The following CADM3 variants were observed in gnomAD, a reference collection of about 807,000 sequenced individuals.
The protein encoded by CADM3 is TSLC1-like 1.
Under a neutral mutation model 44.9 loss-of-function variants are expected in CADM3, and 11 were observed. The ratio of observed to expected loss-of-function variants is 0.25; its 90% CI spans 0.15 to 0.41. CADM3 has a LOEUF of 0.41. CADM3 is among the 10% of genes least tolerant of loss of function. CADM3 has a pLI of 1.00. For synonymous variants in CADM3, 207 were observed against 205.2 expected (o/e 1.01, Z -0.08); for missense variants, 426 against 512.0 (o/e 0.83, Z 1.62).
At chr1:159,188,349 C>T (rs1408710422) in intron 1 of CADM3, among the ~76,000 whole-genome samples, 3 of 151,476 alleles carry the variant, frequency 2.0e-5, no homozygotes, top group South Asian at 4.2e-4. Context: ...CTCTCTTTCC[C>T]TTTGCTTCTG....
At chr1:159,181,136 G>A (rs542533446) in intron 1 of CADM3, among the ~76,000 whole-genome samples, 18 of 152,194 alleles carry the variant, frequency 1.2e-4, no homozygotes, top group South Asian at 4.2e-4. Context: ...TGAATTCTGC[G>A]TTTGACTCTG....
At position 159,200,670 on chromosome 1, in the gene CADM3, T is replaced by C. The variant is rs2102141897; in HGVS notation, c.1079-134T>C. Reference sequence around the variant, plus strand: ...GAAGCAAAATGCGAATTAGGTAAGGTGGAGTAGAAGAGAGCTATTGGCAAG... The same window carrying C: ...GAAGCAAAATGCGAATTAGGTAAGGCGGAGTAGAAGAGAGCTATTGGCAAG... On this transcript the variant is annotated intron_variant, in intron 8 of 8. Coordinates refer to ENST00000368125, the MANE Select transcript of CADM3 (RefSeq NM_001127173.3). 7 of 602,486 alleles carry C rather than the reference T, an allele frequency of 1.2e-5. No individual in the cohort carries two copies. The South Asian group carries it at 1.7e-4, about 14-fold the overall frequency. The allele number at this position is 602,486 out of a possible 1,614,324, so 37.3% of individuals were successfully genotyped here. A position where few individuals can be genotyped will look rare whatever the true frequency, so the allele number is the denominator to read the frequency against.
intron 7 of CADM3, among the ~76,000 whole-genome samples, chr1:159,199,323 GA>G (rs1650045318): frequency 6.6e-6 from 1 of 150,856 alleles, no homozygotes; most frequent in Non-Finnish European, 1.5e-5. Context: ...AGAAAAGAAA[GA>G]AGGAAACAGG....
Position 159,171,699 on chromosome 1 carries a change from C to T in CADM3, c.-67C>T. ...CGGTCAACATCGTAGTCCACCCCCT[C>T]CCCATCCCCAGCCCCCGGGGATTCA... On this transcript the variant is annotated 5_prime_UTR_variant, in exon 1 of 9. Transcript: ENST00000368125. 8.8e-7 allele frequency: 1 copy of T among 1,140,710 alleles called. No homozygotes were observed. Among genetic ancestry groups the T allele is most frequent in the Non-Finnish European group, 1.1e-6 (1 of 905,136 alleles). 70.7% of individuals were successfully genotyped at this position (1,140,710 alleles called of 1,614,324 possible).
chr1:159,191,830 A>G (rs1393081447), intron 1 of CADM3, 106 bp from the exon 2 acceptor site: 1 of 1,358,488 alleles, frequency 7.4e-7, no homozygotes, highest in Admixed American at 1.8e-5. Context: ...GACCTTGTGT[A>G]CACAAGGGCC....
intron 4 of CADM3, 55 bp from the exon 5 acceptor site, chr1:159,193,815 T>G (rs1006024161): frequency 2.0e-5 from 32 of 1,596,736 alleles, no homozygotes; most frequent in Non-Finnish European, 2.7e-5. Context: ...ATGTTAGGTT[T>G]ACTCTGTGTC....
intron 1 of CADM3, among the ~76,000 whole-genome samples, chr1:159,173,419 T>TTGGC (rs1648900762): frequency 6.6e-6 from 1 of 152,076 alleles, no homozygotes; most frequent in Non-Finnish European, 1.5e-5. Flanking sequence ...CTCCCTATAG[T>TTGGC]TGGCTGGCTG....
chr1:159,180,432 G>T (rs1348061780), intron 1 of CADM3, among the ~76,000 whole-genome samples: 1 of 152,160 alleles, frequency 6.6e-6, no homozygotes, highest in East Asian at 1.9e-4. Flanking sequence ...AGAGAGATAA[G>T]AGTTCTTTAT....
At chr1:159,197,698 G>A (rs1649961828) in intron 7 of CADM3, 1 of 152,196 alleles carries the variant, frequency 6.6e-6, no homozygotes, top group African/African-American at 2.4e-5. Context: ...ATGGAGAGTT[G>A]ACGGGCGATT....
At chr1:159,191,084 G>T (rs1030656548) in intron 1 of CADM3, among the ~76,000 whole-genome samples, 1 of 152,204 alleles carries the variant, frequency 6.6e-6, no homozygotes, top group Admixed American at 6.5e-5. Flanking sequence ...CCCGGTAGGC[G>T]TGACCAGAAG....
chr1:159,192,675 C>G lies in CADM3; in HGVS notation c.327C>G (p.Thr109=). The G allele has an allele frequency of 6.2e-7, 1 of 1,614,152 alleles. No homozygotes were observed. The highest frequency in any genetic ancestry group is 1.1e-5 in the South Asian group (1 of 91,074). Residue 109 remains threonine (T), a synonymous_variant, in exon 3 of 9, where the codon ACC becomes ACG. Transcript: ENST00000368125. ...NVALADEGEY[T]CSIFTMPVRT... Reference sequence around the variant, plus strand: ...CCCTGGCAGACGAGGGCGAGTACACCTGCTCAATCTTCACTATGCCTGTGC... The same window carrying G: ...CCCTGGCAGACGAGGGCGAGTACACGTGCTCAATCTTCACTATGCCTGTGC...
intron 8 of CADM3, 109 bp downstream of exon 8, chr1:159,199,985 A>C: frequency 1.5e-6 from 2 of 1,369,330 alleles, no homozygotes; most frequent in South Asian, 2.5e-5. Context: ...GAGACTTGTC[A>C]GCCCTTTGGA....
At chr1:159,193,831 C>T (rs773829937) in intron 4 of CADM3, 39 bp from the exon 5 acceptor site, 3 of 1,604,926 alleles carry the variant, frequency 1.9e-6, no homozygotes, top group Non-Finnish European at 2.6e-6. Context: ...GTGTCTCTCT[C>T]TGTGTGTTTG....
chr1:159,174,731 T>C (rs1648956604), intron 1 of CADM3, among the ~76,000 whole-genome samples: 1 of 152,216 alleles, frequency 6.6e-6, no homozygotes, highest in Admixed American at 6.5e-5. Flanking sequence ...CATCTGCCCT[T>C]CCTTCTCACA....
At chr1:159,200,518 GCACACACACACACA>G (rs56164429) in intron 8 of CADM3, among the ~76,000 whole-genome samples, 1,875 of 150,998 alleles carry the variant, frequency 0.012, 37 homozygotes, top group African/African-American at 0.04. Context: ...ATGCGTGCAA[GCACACACACACACA>G]CACACACACA....
Position 159,194,016 on chromosome 1 carries a change from A to G in CADM3, c.667A>G (p.Thr223Ala). Residue 223 changes from threonine (T) to alanine (A), a missense_variant, in exon 5 of 9, where the codon ACC becomes GCC. By Grantham distance (58) the Thr-to-Ala change is moderately conservative. Around this residue, in one of 2 missense-constraint regions of CADM3, gnomAD observed 362 missense variants for 474.6 expected, o/e 0.76. Transcript: ENST00000368125. ...HESLKGADRS[T>A]SQRIEVLYTP... ...ATCTCTAAAGGGAGCTGACAGATCC[A>G]CCTCTCAACGCATTGAAGTTTTATG... The G allele has an allele frequency of 1.2e-6, 2 of 1,613,914 alleles. No homozygotes were observed. The highest frequency in any genetic ancestry group is 1.1e-5 in the South Asian group (1 of 91,046).
chr1:159,189,848 A>G (rs752826504), intron 1 of CADM3: 1 of 1,604,260 alleles, frequency 6.2e-7, no homozygotes, highest in Non-Finnish European at 8.5e-7. Flanking sequence ...AGTCTGGAGC[A>G]GCCCTGACAT....
intron 1 of CADM3, among the ~76,000 whole-genome samples, chr1:159,186,581 A>T (rs1475915491): frequency 6.6e-6 from 1 of 152,224 alleles, no homozygotes; most frequent in Non-Finnish European, 1.5e-5. Flanking sequence ...CAAAGAAGGT[A>T]CAAGTCTTTC....
intron 1 of CADM3, among the ~76,000 whole-genome samples, chr1:159,186,933 G>A (rs144627312): frequency 1.4e-4 from 21 of 152,318 alleles, no homozygotes; most frequent in African/African-American, 5.1e-4. Context: ...ATTTATTGGA[G>A]ATCATTTGGT....
Sources: gnomAD v4.1 joint callset for allele counts (sites outside exome capture counted in the v4.1 genomes callset) on GRCh38, gnomAD v4.1.1 for gene constraint, gnomAD v4.1.1 regional missense constraint, MANE v1.5 for transcripts, NCBI Gene and HGNC (gene_info 2026-07-23, HGNC 2026-07-21) for gene names.